Variants in SMIM13 observed in about 807,000 individuals in gnomAD.
SMIM13 encodes small integral membrane protein 13, also known as UPF0766 protein C6orf228.
Under a neutral mutation model 5.9 loss-of-function variants are expected in SMIM13, and 3 were observed. The ratio of observed to expected loss-of-function variants is 0.51; its 90% CI spans 0.23 to 1.31. The LOEUF is 1.31. SMIM13 is among the 40% of genes most tolerant of loss of function. The probability of loss-of-function intolerance (pLI) is 0.18; values close to 1 mark genes in which losing one functional copy is unlikely to be tolerated. For missense variants in SMIM13, 85 were observed against 109.9 expected, an observed-to-expected ratio of 0.77 and a Z score of 1.01; for synonymous variants, 55 against 46.0, an observed-to-expected ratio of 1.19 and a Z score of -0.79.
At chr6:11,109,060 CCTGGGGAACTATGGTGGCCCCCA>C (rs1379143015) in intron 1 of SMIM13, among the ~76,000 whole-genome samples, 1 of 152,144 alleles carries the variant, frequency 6.6e-6, no homozygotes, top group Non-Finnish European at 1.5e-5. Flanking sequence ...TTGGGGTTGA[CCTGGGGAACTATGGTGGCCCCCA>C]CAGGGTAGCC....
intron 1 of SMIM13, among the ~76,000 whole-genome samples, chr6:11,109,693 C>G (rs1758140204): frequency 6.6e-6 from 1 of 152,240 alleles, no homozygotes; most frequent in Non-Finnish European, 1.5e-5. Flanking sequence ...GGCCAAGATT[C>G]CTGGTCCTAG....
intron 1 of SMIM13, among the ~76,000 whole-genome samples, chr6:11,114,040 C>T (rs1008264648): frequency 6.7e-6 from 1 of 149,708 alleles, no homozygotes; most frequent in Non-Finnish European, 1.5e-5. Context: ...AGTGCAATGG[C>T]GCGGTCTTGG....
chr6:11,096,942 C>T (rs1581908138), intron 1 of SMIM13, among the ~76,000 whole-genome samples: 1 of 152,200 alleles, frequency 6.6e-6, no homozygotes, highest in Non-Finnish European at 1.5e-5. Flanking sequence ...CCACCCGCCT[C>T]GGCTTCCCAA....
At chr6:11,104,588 A>G in intron 1 of SMIM13, 1 of 1,613,698 alleles carries the variant, frequency 6.2e-7, no homozygotes, top group Non-Finnish European at 8.5e-7. Context: ...CCTTGGTTTT[A>G]TTTTCCCAAA....
intron 1 of SMIM13, among the ~76,000 whole-genome samples, chr6:11,115,339 G>A (rs951544898): frequency 6.6e-6 from 1 of 152,160 alleles, no homozygotes; most frequent in African/African-American, 2.4e-5. Context: ...TGCAGTCAGG[G>A]TGTTGGCCTG....
chr6:11,098,221 C>T (rs1159414919), intron 1 of SMIM13, among the ~76,000 whole-genome samples: 1 of 152,170 alleles, frequency 6.6e-6, no homozygotes, highest in Non-Finnish European at 1.5e-5. Context: ...TCCCTTCTGT[C>T]TACATTGGTT....
intron 1 of SMIM13, among the ~76,000 whole-genome samples, chr6:11,127,828 G>C (rs756451327): frequency 6.6e-6 from 1 of 152,170 alleles, no homozygotes; most frequent in Non-Finnish European, 1.5e-5. Context: ...TCAGCTTGTG[G>C]TGAGATTTGG....
At chr6:11,134,267 G>T (rs537384528) in intron 1 of SMIM13, 136 bp from the exon 2 acceptor site, 1 of 563,630 alleles carries the variant, frequency 1.8e-6, no homozygotes, top group Non-Finnish European at 3.0e-6. Flanking sequence ...AAAAATGTTT[G>T]TTATATCATT....
chr6:11,119,437 G>A (rs969078246), intron 1 of SMIM13, among the ~76,000 whole-genome samples: 14 of 152,070 alleles, frequency 9.2e-5, no homozygotes, highest in Non-Finnish European at 1.6e-4. Flanking sequence ...GGCGAATCAC[G>A]AGGTCAGGAG....
intron 1 of SMIM13, chr6:11,104,325 G>A: frequency 6.4e-7 from 1 of 1,551,742 alleles, no homozygotes. Context: ...ATTGCCAGGG[G>A]CTATGAAGAT....
intron 1 of SMIM13, chr6:11,103,666 C>G (rs1758032927): frequency 3.3e-6 from 5 of 1,517,856 alleles, no homozygotes; most frequent in Non-Finnish European, 4.4e-6. Context: ...CTGTCGTGTT[C>G]CACTAGCGAG....
At chr6:11,102,952 CA>C (rs1035294698) in intron 1 of SMIM13, 1 of 152,140 alleles carries the variant, frequency 6.6e-6, no homozygotes, top group Non-Finnish European at 1.5e-5. Flanking sequence ...TTGAGAGATC[CA>C]ATTGCCTTGG....
chr6:11,117,897 A>G (rs6927715), intron 1 of SMIM13, among the ~76,000 whole-genome samples: 117,338 of 152,114 alleles, frequency 0.77, 46,038 homozygotes, highest in African/African-American at 0.91. Flanking sequence ...TTGCATGCCC[A>G]ACAAATTTTT....
chr6:11,119,405 A>C (rs557025005), intron 1 of SMIM13, among the ~76,000 whole-genome samples: 1 of 152,300 alleles, frequency 6.6e-6, no homozygotes, highest in Admixed American at 6.5e-5. Context: ...CTGTAATCCC[A>C]GCACTTTGGG....
chr6:11,094,425 C>CTGGGGCAGCGACCCCA, intron 1 of SMIM13, 36 bp downstream of exon 1: 2 of 1,486,948 alleles, frequency 1.3e-6, no homozygotes, highest in Non-Finnish European at 1.8e-6. Context: ...CAGTTCCACA[C>CTGGGGCAGCGACCCCA]GCCGGGTCGC....
intron 1 of SMIM13, among the ~76,000 whole-genome samples, chr6:11,131,854 G>A (rs1293584083): frequency 6.6e-6 from 1 of 152,042 alleles, no homozygotes; most frequent in Non-Finnish European, 1.5e-5. Context: ...TCATGACGTA[G>A]GATTGGTCAG....
chr6:11,101,872 T>A (rs1169080553), intron 1 of SMIM13, among the ~76,000 whole-genome samples: 1 of 151,872 alleles, frequency 6.6e-6, no homozygotes, highest in Admixed American at 6.6e-5. Context: ...CCCAAGTAGC[T>A]GTATTACAGG....
chr6:11,132,671 CAG>C (rs1758465988), intron 1 of SMIM13, among the ~76,000 whole-genome samples: 1 of 152,114 alleles, frequency 6.6e-6, no homozygotes, highest in South Asian at 2.1e-4. Flanking sequence ...AAACCAGACA[CAG>C]AGGCCACGTA....
At chr6:11,113,165 A>C (rs1156404744) in intron 1 of SMIM13, among the ~76,000 whole-genome samples, 1 of 152,158 alleles carries the variant, frequency 6.6e-6, no homozygotes, top group East Asian at 1.9e-4. Flanking sequence ...ATTCAGTTGC[A>C]AATCTTGGTG....
Sources: gnomAD v4.1 joint callset for allele counts (sites outside exome capture counted in the v4.1 genomes callset) on GRCh38, gnomAD v4.1.1 for gene constraint, MANE v1.5 for transcripts, NCBI Gene and HGNC (gene_info 2026-07-23, HGNC 2026-07-21) for gene names.